PCDHA3: variants seen among roughly 807,000 people sequenced by gnomAD.
The protein encoded by PCDHA3 is protocadherin alpha 3, also known as protocadherin alpha-3.
Under a neutral mutation model 62.2 loss-of-function variants are expected in PCDHA3, and 41 were observed. The ratio of observed to expected loss-of-function variants is 0.66; its 90% CI spans 0.51 to 0.86. PCDHA3 has a LOEUF of 0.86. PCDHA3 is among the 40% of genes least tolerant of loss of function. The probability of loss-of-function intolerance (pLI) is 0.00; values close to 1 mark genes in which losing one functional copy is unlikely to be tolerated. For synonymous variants in PCDHA3, 640 were observed against 555.4 expected, an observed-to-expected ratio of 1.15 and a Z score of -2.14; for missense variants, 1,304 against 1,241.2, an observed-to-expected ratio of 1.05 and a Z score of -0.76.
At chr5:140,816,298 T>C (rs1765878212) in intron 1 of PCDHA3, 1 of 152,238 alleles carries the variant, frequency 6.6e-6, no homozygotes, top group Admixed American at 6.5e-5. Context: ...GTTGAACATG[T>C]CTGTAAAATT....
intron 1 of PCDHA3, chr5:140,842,218 G>C (rs1554138887): frequency 2.5e-6 from 4 of 1,613,154 alleles, no homozygotes; most frequent in Admixed American, 1.7e-5. Context: ...ATCGAAATAC[G>C]GGAGAAATAG....
At chr5:140,920,107 C>A (rs1480708499) in intron 1 of PCDHA3, among the ~76,000 whole-genome samples, 1 of 152,300 alleles carries the variant, frequency 6.6e-6, no homozygotes, top group Non-Finnish European at 1.5e-5. Flanking sequence ...GGGAGTGCAA[C>A]CTTGCCAACA....
At chr5:140,924,891 T>C (rs549129193) in intron 1 of PCDHA3, among the ~76,000 whole-genome samples, 1 of 88,410 alleles carries the variant, frequency 1.1e-5, no homozygotes, top group African/African-American at 5.1e-5. Context: ...CAAGAACCTG[T>C]CTCAAAAAAA....
chr5:140,808,794 C>T, intron 1 of PCDHA3: 1 of 1,612,626 alleles, frequency 6.2e-7, no homozygotes, highest in Non-Finnish European at 8.5e-7. Flanking sequence ...TTTCAGGTGA[C>T]CGCTCGCGAT....
At chr5:140,988,963 G>A (rs1273293184) in intron 3 of PCDHA3, 2 of 152,140 alleles carry the variant, frequency 1.3e-5, no homozygotes, top group African/African-American at 4.8e-5. Flanking sequence ...CAAGCCCCAC[G>A]ATGGAGAGAA....
chr5:140,843,792 GT>G, intron 1 of PCDHA3: 1 of 1,356,394 alleles, frequency 7.4e-7, no homozygotes, highest in South Asian at 1.4e-5. Flanking sequence ...TTCAGATTTA[GT>G]TTTTCACCGT....
chr5:140,809,229 G>A, intron 1 of PCDHA3: 2 of 1,614,046 alleles, frequency 1.2e-6, no homozygotes, highest in Non-Finnish European at 1.7e-6. Context: ...GCCTCCTCAC[G>A]GGCGTTGGTG....
chr5:140,828,210 A>G (rs200919454), intron 1 of PCDHA3: 5 of 1,613,938 alleles, frequency 3.1e-6, no homozygotes, highest in Non-Finnish European at 3.4e-6. Flanking sequence ...GAGGAGGCCA[A>G]ACACGGCACC....
chr5:140,803,309 C>T lies in PCDHA3; in HGVS notation c.2112C>T (p.Ile704=). The T allele has an allele frequency of 6.2e-7, 1 of 1,614,164 alleles. No individual in the cohort carries two copies. Among genetic ancestry groups the T allele is most frequent in the Non-Finnish European group, 8.5e-7 (1 of 1,179,994 alleles). Residue 704 remains isoleucine, a synonymous_variant, in exon 1 of 4, where the codon ATC becomes ATT. Transcript: ENST00000522353. ...VDVNVYLIVA[I]CAVSSLLVLT... The stretch of plus-strand genomic sequence containing the variant: ...TCAACGTGTACTTGATCGTCGCCAT[C>T]TGCGCGGTGTCCAGTCTGTTGGTGC...
chr5:140,836,907 C>A, intron 1 of PCDHA3: 1 of 583,884 alleles, frequency 1.7e-6, no homozygotes, highest in Non-Finnish European at 2.8e-6. Flanking sequence ...GTTTAATATA[C>A]ACTTTTGTTT....
intron 1 of PCDHA3, chr5:140,967,449 C>T (rs2096141880): frequency 1.2e-6 from 2 of 1,613,586 alleles, no homozygotes; most frequent in Non-Finnish European, 1.7e-6. Context: ...CTGGTTCTCA[C>T]AGCCGTGGAT....
intron 1 of PCDHA3, chr5:140,870,192 G>C: frequency 1.9e-6 from 3 of 1,614,158 alleles, no homozygotes; most frequent in Non-Finnish European, 2.5e-6. Context: ...AGGACGCTCA[G>C]CCCAGCACGG....
chr5:140,807,548 G>T, intron 1 of PCDHA3: 2 of 1,614,176 alleles, frequency 1.2e-6, no homozygotes, highest in Middle Eastern at 1.6e-4. Flanking sequence ...CCATGTGGAC[G>T]TGGAGGTGAG....
chr5:140,927,621 A>G (rs141117468), intron 1 of PCDHA3: 25 of 1,614,198 alleles, frequency 1.5e-5, no homozygotes, highest in Middle Eastern at 3.3e-4. Context: ...CCAAGGTTCC[A>G]GAGACTGCAC....
chr5:140,865,572 A>T (rs2048923193), intron 1 of PCDHA3: 1 of 152,224 alleles, frequency 6.6e-6, no homozygotes, highest in African/African-American at 2.4e-5. Context: ...TCAGTAACTC[A>T]TGATAATAAA....
chr5:140,808,345 C>T (rs1457386283), intron 1 of PCDHA3: 4 of 1,614,268 alleles, frequency 2.5e-6, no homozygotes, highest in Non-Finnish European at 3.4e-6. Context: ...GGCTGGTCAC[C>T]TGCTCCTTGA....
rs1554228541 is a variant in PCDHA3 at position 140,966,673 on chromosome 5, T to C, written c.2395-12276T>C. 2.3e-6 allele frequency: 3 copies of C among 1,290,056 alleles called. No homozygotes were observed. The African/African-American group carries it at 4.7e-5, about 20-fold the overall frequency. The allele number at this position is 1,290,056 out of a possible 1,614,324, so 79.9% of individuals were successfully genotyped here. A position where few individuals can be genotyped will look rare whatever the true frequency, so the allele number is the denominator to read the frequency against. On this transcript the variant is annotated intron_variant, in intron 1 of 3. Coordinates refer to ENST00000522353, the MANE Select transcript of PCDHA3 (RefSeq NM_018906.3). ...GAGCGGTGGGGGAGCAGGCGCAGGG[T>C]GGCACGAGCGGAGGCGGGGCCCGGG...
Position 140,802,058 on chromosome 5 carries a change from A to T in PCDHA3, c.861A>T (p.Ala287=). ...IAYSFNTDMS[A]DILSKFHLDP... ...ATTCTTTCAATACGGACATGTCAGCAGATATTCTGTCAAAATTCCATTTAG... is the reference window on the plus strand; with the variant it reads ...ATTCTTTCAATACGGACATGTCAGCTGATATTCTGTCAAAATTCCATTTAG... The change falls in exon 1 of 4, where the codon GCA becomes GCT. Residue 287 remains alanine (A), a synonymous_variant. Coordinates refer to ENST00000522353, the MANE Select transcript of PCDHA3 (RefSeq NM_018906.3). The T allele has an allele frequency of 6.2e-7, 1 of 1,614,230 alleles. No homozygotes were observed. Among genetic ancestry groups the T allele is most frequent in the Non-Finnish European group, 8.5e-7 (1 of 1,180,040 alleles).
chr5:140,830,545 C>T (rs2150187655), intron 1 of PCDHA3: 5 of 1,153,740 alleles, frequency 4.3e-6, no homozygotes, highest in Non-Finnish European at 5.9e-6. Flanking sequence ...TTGTTTTCCT[C>T]ATATTTGTCT....
Sources: allele counts gnomAD v4.1 joint callset (sites outside exome capture counted in the v4.1 genomes callset), GRCh38; gene constraint gnomAD v4.1.1; transcripts MANE v1.5; gene names NCBI Gene and HGNC (gene_info 2026-07-23, HGNC 2026-07-21).